DENND5B: variants seen among roughly 807,000 people sequenced by gnomAD.
DENND5B encodes the protein DENN domain-containing protein 5B.
In DENND5B, 34 loss-of-function variants were observed where a neutral mutation model predicts 140.6. That is an observed-to-expected ratio of 0.24 (90% confidence interval 0.18 to 0.32). The LOEUF is 0.32. Ranked by LOEUF, DENND5B falls within the 10% of genes least tolerant of loss-of-function variation. The pLI, the probability that DENND5B is intolerant of heterozygous loss-of-function variation, is 1.00. For missense variants in DENND5B, 1,142 were observed against 1,560.2 expected (o/e 0.73, Z 4.52); for synonymous variants, 551 against 562.1 (o/e 0.98, Z 0.28).
At position 31,536,329 on chromosome 12, in the gene DENND5B, GAGA is replaced by G. The variant is rs1262287227; in HGVS notation, c.128-40413_128-40411del. On this transcript the variant is annotated intron_variant, in intron 1 of 20. Transcript: ENST00000389082. ...ACTCAACAAAATTCAAGATAACACGGAGAAGGAGTTCAGAATTCTATCAGAAAA... is the reference window on the plus strand; with the variant it reads ...ACTCAACAAAATTCAAGATAACACGGAGGAGTTCAGAATTCTATCAGAAAA... Among the ~76,000 whole-genome samples, 10 of 152,208 alleles carry G rather than the reference GAGA, an allele frequency of 6.6e-5. No individual in the cohort carries two copies. The South Asian group carries it at 1.5e-3, about 22-fold the overall frequency.
intron 1 of DENND5B, among the ~76,000 whole-genome samples, chr12:31,581,731 G>A (rs917166905): frequency 2.0e-5 from 3 of 151,442 alleles, no homozygotes; most frequent in Non-Finnish European, 2.9e-5. Context: ...TCTGGAAAGG[G>A]AACTGTATAA....
intron 1 of DENND5B, among the ~76,000 whole-genome samples, chr12:31,529,162 CAAA>C (rs57966147): frequency 3.5e-5 from 4 of 113,212 alleles, no homozygotes; most frequent in Non-Finnish European, 3.7e-5. Flanking sequence ...AACTCTGTCT[CAAA>C]AAAAAAAAAA....
intron 1 of DENND5B, among the ~76,000 whole-genome samples, chr12:31,561,757 G>C (rs1304516536): frequency 6.6e-6 from 1 of 152,166 alleles, no homozygotes; most frequent in Non-Finnish European, 1.5e-5. Flanking sequence ...TCAGGCCTGT[G>C]ACAGGAGCTA....
chr12:31,487,983 T>C (rs1386034915), intron 2 of DENND5B, among the ~76,000 whole-genome samples: 2 of 152,132 alleles, frequency 1.3e-5, no homozygotes, highest in Non-Finnish European at 2.9e-5. Flanking sequence ...GGAGACGGAA[T>C]CTCACTCTGT....
chr12:31,424,302 C>A (rs1943145360), intron 10 of DENND5B, among the ~76,000 whole-genome samples: 1 of 152,090 alleles, frequency 6.6e-6, no homozygotes, highest in African/African-American at 2.4e-5. Context: ...AGGGATACAG[C>A]CTCTGCAATG....
intron 15 of DENND5B, among the ~76,000 whole-genome samples, chr12:31,401,263 T>A (rs1187458632): frequency 6.6e-6 from 1 of 152,180 alleles, no homozygotes; most frequent in Non-Finnish European, 1.5e-5. Flanking sequence ...AAGAAGTAGG[T>A]AGACATGAGA....
intron 1 of DENND5B, among the ~76,000 whole-genome samples, chr12:31,527,751 C>G (rs1042818490): frequency 1.3e-5 from 2 of 152,052 alleles, no homozygotes; most frequent in Non-Finnish European, 2.9e-5. Flanking sequence ...ACACTCTAGC[C>G]TGCGTGACAG....
chr12:31,540,963 C>A (rs112194030), intron 1 of DENND5B: 2 of 452,746 alleles, frequency 4.4e-6, no homozygotes, highest in Non-Finnish European at 8.9e-6. Flanking sequence ...AAAGGACAGT[C>A]TCTTCAGTCA....
chr12:31,478,830 C>T lies in DENND5B; in HGVS notation c.904+759G>A, dbSNP rs547539143. ...AGCATCTCTATTTTCTCTACACATT[C>T]ATATTCAGATGACAACTAGTATCCT... On this transcript the variant is annotated intron_variant, in intron 3 of 20. Coordinates refer to ENST00000389082, the MANE Select transcript of DENND5B (RefSeq NM_144973.4). Among the ~76,000 whole-genome samples the T allele has an allele frequency of 4.6e-5, 7 of 152,306 alleles. No homozygotes were observed. The South Asian group carries it at 1.5e-3, about 32-fold the overall frequency.
At chr12:31,562,070 C>T (rs1269759509) in intron 1 of DENND5B, among the ~76,000 whole-genome samples, 1 of 152,194 alleles carries the variant, frequency 6.6e-6, no homozygotes, top group Non-Finnish European at 1.5e-5. Flanking sequence ...AACTTAGCCA[C>T]CATTATAAAT....
At position 31,574,676 on chromosome 12, in the gene DENND5B, C is replaced by A. The variant is rs543962268; in HGVS notation, c.127+16030G>T. On this transcript the variant is annotated intron_variant, in intron 1 of 20. Coordinates refer to ENST00000389082, the MANE Select transcript of DENND5B (RefSeq NM_144973.4). ...TTCTTAAGTTTTTGTTTTCTACCAA[C>A]TTCTATCCTCTCCATACACTCAATA... Among the ~76,000 whole-genome samples, 46 of 152,304 alleles carry A rather than the reference C, an allele frequency of 3.0e-4. 1 individual carries two copies. The South Asian group carries it at 9.5e-3, about 32-fold the overall frequency.
rs1220242097 is a variant in DENND5B at position 31,383,146 on chromosome 12, A to G, written c.*4457T>C. On this transcript the variant is annotated 3_prime_UTR_variant, in exon 21 of 21. Transcript: ENST00000389082. ...GTCTTTTCAACATAGTGAAAAGGAT[A>G]CACTAGTTTCTGTAAACCTCACAGA... 6.6e-6 allele frequency: 1 copy of G among 152,216 alleles called. No individual in the cohort carries two copies. The highest frequency in any genetic ancestry group is 6.5e-5 in the Admixed American group (1 of 15,272). The allele number at this position is 152,216 out of a possible 1,614,324, so 9.4% of individuals were successfully genotyped here.
chr12:31,479,599 G>C lies in DENND5B; in HGVS notation c.894C>G (p.Leu298=), dbSNP rs538519875. The part of the protein sequence containing the change: ...TCVLLEMQIL[L]YSQDYQRLMT... ...CCAAGGAAAACCTACCTTGTGAGTA[G>C]AGAAGGATTTGCATCTCTAAAAGAA... Residue 298 remains leucine (L), a synonymous_variant, in exon 3 of 21, where the codon CTC becomes CTG. Coordinates refer to ENST00000389082, the MANE Select transcript of DENND5B (RefSeq NM_144973.4). The C allele has an allele frequency of 6.7e-7, 1 of 1,493,060 alleles. No individual in the cohort carries two copies. Among genetic ancestry groups the C allele is most frequent in the Non-Finnish European group, 8.9e-7 (1 of 1,122,690 alleles). The allele number at this position is 1,493,060 out of a possible 1,614,324, so 92.5% of individuals were successfully genotyped here. A position where few individuals can be genotyped will look rare whatever the true frequency, so the allele number is the denominator to read the frequency against.
intron 10 of DENND5B, 71 bp from the exon 11 acceptor site, chr12:31,423,746 T>C: frequency 6.7e-7 from 1 of 1,494,974 alleles, no homozygotes; most frequent in Admixed American, 1.7e-5. Context: ...ATCCAAATCA[T>C]TCATATTCCA....
chr12:31,415,378 A>C lies in DENND5B; in HGVS notation c.2541T>G (p.Ile847Met). ...TTAATAACAAATACCTCATGTCCTGAATAAGAGAGACCCTGAGCGTTGGCA... is the reference window on the plus strand; with the variant it reads ...TTAATAACAAATACCTCATGTCCTGCATAAGAGAGACCCTGAGCGTTGGCA... ...VMLPTLRVSL[I>M]QDMRHIQNMS... is the part of the protein sequence containing the mutation. Residue 847 changes from isoleucine (I) to methionine (M), a missense_variant, in exon 12 of 21, where the codon ATT (isoleucine) becomes ATG (methionine). By Grantham distance (10) the Ile-to-Met change is conservative (BLOSUM62 1). Coordinates refer to ENST00000389082, the MANE Select transcript of DENND5B (RefSeq NM_144973.4). 1 of 1,609,056 alleles carries C rather than the reference A, an allele frequency of 6.2e-7. No individual in the cohort carries two copies. Among genetic ancestry groups the C allele is most frequent in the Non-Finnish European group, 8.5e-7 (1 of 1,177,470 alleles).
intron 1 of DENND5B, among the ~76,000 whole-genome samples, chr12:31,557,071 A>C (rs1282998334): frequency 2.0e-5 from 3 of 152,252 alleles, no homozygotes. Flanking sequence ...GATAATGTAG[A>C]TATAAAATGG....
chr12:31,473,423 A>T (rs1398582599), intron 3 of DENND5B, among the ~76,000 whole-genome samples: 3 of 152,180 alleles, frequency 2.0e-5, no homozygotes, highest in Non-Finnish European at 2.9e-5. Flanking sequence ...AGTACAGTAA[A>T]ACAGAGGGCA....
At chr12:31,414,476 G>A (rs965600856) in intron 12 of DENND5B, among the ~76,000 whole-genome samples, 4 of 151,956 alleles carry the variant, frequency 2.6e-5, no homozygotes, top group South Asian at 2.1e-4. Context: ...TACCTTCTTC[G>A]GTGGGCAGAG....
At chr12:31,404,841 C>A (rs1329456594) in intron 14 of DENND5B, among the ~76,000 whole-genome samples, 6 of 145,816 alleles carry the variant, frequency 4.1e-5, no homozygotes, top group African/African-American at 1.5e-4. Flanking sequence ...CTCACTGCAA[C>A]CTCTGCCTCC....
Sources: gnomAD v4.1 joint callset for allele counts (sites outside exome capture counted in the v4.1 genomes callset) on GRCh38, gnomAD v4.1.1 for gene constraint, MANE v1.5 for transcripts, NCBI Gene and HGNC (gene_info 2026-07-23, HGNC 2026-07-21) for gene names.